Variants in LIN54 observed in about 807,000 individuals in gnomAD.
LIN54 encodes protein lin-54 homolog.
Under a neutral mutation model 78.7 loss-of-function variants are expected in LIN54, and 9 were observed. That is an observed-to-expected ratio of 0.11 (90% confidence interval 0.07 to 0.20). The LOEUF (loss-of-function observed/expected upper bound fraction) is 0.20. Among genes scored for constraint, LIN54 ranks in the 10% least tolerant of loss-of-function variants. The probability of loss-of-function intolerance (pLI) is 1.00; values close to 1 mark genes in which losing one functional copy is unlikely to be tolerated. For missense variants in LIN54, 573 were observed against 889.9 expected, an observed-to-expected ratio of 0.64 and a Z score of 4.53; for synonymous variants, 269 against 318.4, an observed-to-expected ratio of 0.84 and a Z score of 1.65.
intron 4 of LIN54, among the ~76,000 whole-genome samples, chr4:82,954,083 G>C (rs1192172581): frequency 6.6e-6 from 1 of 152,042 alleles, no homozygotes; most frequent in Non-Finnish European, 1.5e-5. Flanking sequence ...AAAATTAAAT[G>C]ATTTTCAAAA....
chr4:82,938,249 T>A (rs1722548587), intron 8 of LIN54, among the ~76,000 whole-genome samples, 164 bp downstream of exon 8: 1 of 152,224 alleles, frequency 6.6e-6, no homozygotes, highest in Admixed American at 6.5e-5. Flanking sequence ...AATTGACTAT[T>A]TCTGTAATTT....
chr4:83,003,557 C>T (rs575370025), intron 1 of LIN54: 1 of 152,266 alleles, frequency 6.6e-6, no homozygotes, highest in Non-Finnish European at 1.5e-5. Context: ...GACAGAGTCT[C>T]ACTCTGTTGC....
intron 2 of LIN54, among the ~76,000 whole-genome samples, chr4:82,981,711 T>G (rs1374001578): frequency 6.6e-6 from 1 of 152,166 alleles, no homozygotes; most frequent in African/African-American, 2.4e-5. Context: ...AGAATTCTTT[T>G]TTATTAGATA....
intron 4 of LIN54, among the ~76,000 whole-genome samples, chr4:82,967,343 G>A (rs1345687195): frequency 6.6e-6 from 1 of 152,172 alleles, no homozygotes; most frequent in Admixed American, 6.5e-5. Flanking sequence ...ATCCTCAAGA[G>A]TTTATTCAGA....
chr4:82,980,300 T>A (rs974352883), intron 2 of LIN54, among the ~76,000 whole-genome samples: 4 of 152,144 alleles, frequency 2.6e-5, no homozygotes, highest in Admixed American at 1.3e-4. Flanking sequence ...CATTAAATAT[T>A]AATTATATCT....
At chr4:82,946,135 C>A in intron 5 of LIN54, 123 bp downstream of exon 5, 4 of 777,340 alleles carry the variant, frequency 5.1e-6, no homozygotes, top group Non-Finnish European at 6.8e-6. Context: ...GCCTTCTGCA[C>A]CAGTTACTGG....
intron 12 of LIN54, among the ~76,000 whole-genome samples, chr4:82,929,412 A>T (rs933649680): frequency 5.3e-5 from 8 of 152,196 alleles, no homozygotes; most frequent in Admixed American, 1.3e-4. Context: ...GACCAGAAAG[A>T]ATCCCAGGTT....
At chr4:82,979,325 ATTC>A (rs2126081601) in intron 2 of LIN54, among the ~76,000 whole-genome samples, 2 of 152,336 alleles carry the variant, frequency 1.3e-5, no homozygotes, top group South Asian at 4.1e-4. Context: ...GCACAGTAAT[ATTC>A]TTGTTCAAAA....
At chr4:82,995,002 A>C (rs1042182929) in intron 1 of LIN54, among the ~76,000 whole-genome samples, 4 of 152,036 alleles carry the variant, frequency 2.6e-5, no homozygotes, top group Non-Finnish European at 5.9e-5. Context: ...TAACAAGAAA[A>C]GGTCTGGGCC....
intron 1 of LIN54, among the ~76,000 whole-genome samples, 167 bp from the exon 2 acceptor site, chr4:82,985,043 A>G (rs950829384): frequency 2.6e-5 from 4 of 152,344 alleles, no homozygotes; most frequent in South Asian, 2.1e-4. Context: ...CACATCCTCA[A>G]CCTGCAAGAA....
At chr4:83,011,456 T>C (rs1342091566), upstream of LIN54, among the ~76,000 whole-genome samples, 1 of 152,120 alleles carries the variant, frequency 6.6e-6, no homozygotes, top group African/African-American at 2.4e-5. Flanking sequence ...GTTTAAGACG[T>C]CAAAGCGCAA....
At chr4:82,938,233 T>C (rs528906994) in intron 8 of LIN54, among the ~76,000 whole-genome samples, 180 bp downstream of exon 8, 1 of 152,346 alleles carries the variant, frequency 6.6e-6, no homozygotes, top group Admixed American at 6.5e-5. Flanking sequence ...GAATAGAGTA[T>C]TTGGGAATTG....
chr4:82,974,782 C>T (rs934847413), intron 3 of LIN54, among the ~76,000 whole-genome samples: 13 of 151,424 alleles, frequency 8.6e-5, no homozygotes, highest in Non-Finnish European at 1.5e-5. Context: ...TCACTTGAAC[C>T]CGGGAGGCAC....
Position 82,984,359 on chromosome 4 carries a change from G to C in LIN54, c.486C>G (p.Pro162=). ...CCTGAGTTGTAACTTTCTGAGCCTGGGGTAGTTGGCTATGGGGTAGTGCTA... is the reference window on the plus strand; with the variant it reads ...CCTGAGTTGTAACTTTCTGAGCCTGCGGTAGTTGGCTATGGGGTAGTGCTA... ...IVLALPHSQL[P]QAQKVTTQAQ... Residue 162 remains proline, a synonymous_variant, in exon 2 of 13, where the codon CCC becomes CCG. Transcript: ENST00000340417. The C allele has an allele frequency of 6.2e-7, 1 of 1,614,116 alleles. No homozygotes were observed. The highest frequency in any genetic ancestry group is 8.5e-7 in the Non-Finnish European group (1 of 1,180,008).
At chr4:82,968,245 T>C (rs1358965023) in intron 4 of LIN54, among the ~76,000 whole-genome samples, 1 of 152,086 alleles carries the variant, frequency 6.6e-6, no homozygotes, top group Non-Finnish European at 1.5e-5. Flanking sequence ...GGTTTCTCCA[T>C]GTTGGTCAGG....
chr4:82,928,508 T>C (rs1014379118), intron 12 of LIN54, among the ~76,000 whole-genome samples: 1 of 152,230 alleles, frequency 6.6e-6, no homozygotes, highest in Non-Finnish European at 1.5e-5. Flanking sequence ...TGTAAGAATA[T>C]TGTTCAGGAA....
In LIN54 at chr4:83,000,827, C is replaced by CTTTTTTTTTTTTTTTTTTTTTTT. The variant is rs1553959274; in HGVS notation, c.-33+9656_-33+9657insAAAAAAAAAAAAAAAAAAAAAAA. 4.6e-4 allele frequency among the ~76,000 whole-genome samples: 56 copies of CTTTTTTTTTTTTTTTTTTTTTTT among 120,516 alleles called. 1 individual carries two copies. The highest frequency in any genetic ancestry group is 5.1e-3 in the Middle Eastern group (1 of 198). The allele number at this position is 120,516 out of a possible 152,430, so 79.1% of individuals were successfully genotyped here. On this transcript the variant is annotated intron_variant, in intron 1 of 12. Transcript: ENST00000340417. ...GCCATCAAGCCCAAAGCAATAAATT[C>CTTTTTTTTTTTTTTTTTTTTTTT]TTTTTTTTTTTTTGGAGATAGAGTC...
intron 2 of LIN54, 129 bp from the exon 3 acceptor site, chr4:82,979,135 T>G (rs1726411579): frequency 3.7e-6 from 2 of 543,756 alleles, no homozygotes; most frequent in African/African-American, 3.8e-5. Context: ...TATCTGTGTG[T>G]TAATGTTAAG....
chr4:82,980,847 T>C (rs1560769910), intron 2 of LIN54, among the ~76,000 whole-genome samples: 1 of 152,118 alleles, frequency 6.6e-6, no homozygotes, highest in Non-Finnish European at 1.5e-5. Flanking sequence ...CTTAAAGTAT[T>C]TCCCCATTTT....
Sources: allele counts gnomAD v4.1 joint callset (sites outside exome capture counted in the v4.1 genomes callset), GRCh38; gene constraint gnomAD v4.1.1; transcripts MANE v1.5; gene names NCBI Gene and HGNC (gene_info 2026-07-23, HGNC 2026-07-21).